The following ELOVL6 variants were observed in gnomAD, a reference collection of about 807,000 sequenced individuals.
ELOVL6 encodes the protein very long chain fatty acid elongase 6.
Under a neutral mutation model 31.7 loss-of-function variants are expected in ELOVL6, and 8 were observed. The observed-to-expected ratio is 0.25, with a 90% CI of 0.15 to 0.45. ELOVL6 has a LOEUF of 0.45. Among genes scored for constraint, ELOVL6 ranks in the 20% least tolerant of loss-of-function variants. ELOVL6 has a pLI of 1.00. For missense variants in ELOVL6, 126 were observed against 326.4 expected, an observed-to-expected ratio of 0.39 and a Z score of 4.73; for synonymous variants, 101 against 117.7, an observed-to-expected ratio of 0.86 and a Z score of 0.92.
intron 2 of ELOVL6, among the ~76,000 whole-genome samples, chr4:110,083,097 T>C (rs1046176370): frequency 2.0e-5 from 3 of 151,782 alleles, no homozygotes; most frequent in Non-Finnish European, 4.4e-5. Flanking sequence ...AAACTTTTTC[T>C]ATGCCGACTA....
chr4:110,117,903 A>AAAAAAAAAAATATAT, intron 1 of ELOVL6: 5 of 6,506 alleles, frequency 7.7e-4, no homozygotes, highest in East Asian at 6.3e-3. Flanking sequence ...AAAAAAAAAA[A>AAAAAAAAAAATATAT]ATATATATAT....
rs575888418 is a variant in ELOVL6, at chr4:110,188,472, T to C, written c.89+9775A>G. Among the ~76,000 whole-genome samples the C allele has an allele frequency of 4.6e-5, 7 of 152,310 alleles. No individual in the cohort carries two copies. The East Asian group carries it at 1.3e-3, about 29-fold the overall frequency. ...CATCACACCAGCCATCCAAGCCTTA[T>C]TCAAGCCTGGAACCCAGTTTTCCTT... On this transcript the variant is annotated intron_variant, in intron 1 of 3. Transcript: ENST00000302274.
At chr4:110,091,999 A>AT (rs34275780) in intron 2 of ELOVL6, among the ~76,000 whole-genome samples, 3,354 of 152,324 alleles carry the variant, frequency 0.022, 230 homozygotes, top group East Asian at 0.17. Context: ...TCCAGCCAGC[A>AT]TAACAATTTA....
intron 2 of ELOVL6, among the ~76,000 whole-genome samples, chr4:110,084,135 A>ATAACATATG (rs1553955997): frequency 5.7e-5 from 2 of 35,296 alleles, no homozygotes; most frequent in Non-Finnish European, 8.2e-5. Flanking sequence ...ATATGTGATA[A>ATAACATATG]TGATATATAT....
chr4:110,135,393 T>C (rs918746051), intron 1 of ELOVL6, among the ~76,000 whole-genome samples: 2 of 152,118 alleles, frequency 1.3e-5, no homozygotes, highest in African/African-American at 4.8e-5. Context: ...AGAAATGGAG[T>C]GAGGTCTCAG....
chr4:110,092,090 C>T (rs908903762), intron 2 of ELOVL6, among the ~76,000 whole-genome samples: 15 of 152,136 alleles, frequency 9.9e-5, no homozygotes, highest in African/African-American at 3.6e-4. Context: ...TGCTAGGAAA[C>T]GAGTTTCAAG....
intron 1 of ELOVL6, chr4:110,117,926 C>A (rs76345258): frequency 2.6e-4 from 4 of 15,110 alleles, no homozygotes; most frequent in African/African-American, 3.4e-4. Flanking sequence ...ATATATATAT[C>A]TCCCCAGAGA....
At chr4:110,102,987 C>T (rs1380656230) in intron 2 of ELOVL6, among the ~76,000 whole-genome samples, 4 of 152,198 alleles carry the variant, frequency 2.6e-5, no homozygotes, top group East Asian at 1.9e-4. Flanking sequence ...TGGTCTTTCC[C>T]GTGCTATTCT....
intron 1 of ELOVL6, chr4:110,146,289 G>A: frequency 6.6e-6 from 1 of 152,122 alleles, no homozygotes; most frequent in East Asian, 1.9e-4. Context: ...TGTGAAACTG[G>A]ACTCCTATGT....
At chr4:110,110,711 T>C (rs1757010389) in intron 1 of ELOVL6, among the ~76,000 whole-genome samples, 1 of 152,144 alleles carries the variant, frequency 6.6e-6, no homozygotes, top group African/African-American at 2.4e-5. Flanking sequence ...GTTTTATTCG[T>C]AAGTAAATTA....
intron 2 of ELOVL6, among the ~76,000 whole-genome samples, chr4:110,099,668 G>A (rs1465350628): frequency 6.6e-6 from 1 of 152,210 alleles, no homozygotes; most frequent in Non-Finnish European, 1.5e-5. Flanking sequence ...GAACCTCAAA[G>A]ATGGCTTCTT....
chr4:110,168,690 C>G (rs138888768), intron 1 of ELOVL6, among the ~76,000 whole-genome samples: 2 of 152,190 alleles, frequency 1.3e-5, no homozygotes, highest in East Asian at 3.9e-4. Flanking sequence ...TAGGTGCTGA[C>G]GTCATAAGCC....
In ELOVL6 at chr4:110,115,245, A is replaced by T. The variant is rs568051156; in HGVS notation, c.90-9617T>A. On this transcript the variant is annotated intron_variant, in intron 1 of 3. Coordinates refer to ENST00000302274, the MANE Select transcript of ELOVL6 (RefSeq NM_024090.3). ...GATTAGAGAAAATATCTCAGCAGTG[A>T]CGATGATCTCATGGTTAGTTTATAA... Among the ~76,000 whole-genome samples, 33 of 152,336 alleles carry T rather than the reference A, an allele frequency of 2.2e-4. 1 individual carries two copies. In the South Asian group the frequency reaches 6.4e-3, roughly 30 times the overall value.
chr4:110,113,634 G>A (rs1269219072), intron 1 of ELOVL6, among the ~76,000 whole-genome samples: 1 of 152,108 alleles, frequency 6.6e-6, no homozygotes, highest in Non-Finnish European at 1.5e-5. Flanking sequence ...AATCTCCCAT[G>A]CCCATCTGAA....
chr4:110,158,278 T>C (rs1758511884), intron 1 of ELOVL6, among the ~76,000 whole-genome samples: 1 of 152,122 alleles, frequency 6.6e-6, no homozygotes, highest in African/African-American at 2.4e-5. Context: ...AAGAACAACC[T>C]AGTGGACCAT....
At chr4:110,110,400 G>T (rs1314457646) in intron 1 of ELOVL6, among the ~76,000 whole-genome samples, 2 of 121,036 alleles carry the variant, frequency 1.7e-5, no homozygotes, top group East Asian at 5.2e-4. Context: ...TTTTTCCGCA[G>T]ATTTTTTTTT....
chr4:110,077,481 T>A (rs1469720216), intron 2 of ELOVL6, among the ~76,000 whole-genome samples: 1 of 152,136 alleles, frequency 6.6e-6, no homozygotes. Flanking sequence ...GCAAACAGGG[T>A]CTGGAGTGGA....
intron 1 of ELOVL6, among the ~76,000 whole-genome samples, chr4:110,120,751 C>T (rs906229374): frequency 3.3e-5 from 5 of 151,764 alleles, no homozygotes; most frequent in African/African-American, 1.2e-4. Flanking sequence ...ACATTGTATA[C>T]CAGGAATGTT....
chr4:110,076,090 G>A (rs1755617470), intron 2 of ELOVL6, among the ~76,000 whole-genome samples: 1 of 152,214 alleles, frequency 6.6e-6, no homozygotes, highest in South Asian at 2.1e-4. Context: ...GCAAGCTGAT[G>A]AGAAAAACCG....
Sources: allele counts gnomAD v4.1 joint callset (sites outside exome capture counted in the v4.1 genomes callset), GRCh38; gene constraint gnomAD v4.1.1; transcripts MANE v1.5; gene names NCBI Gene and HGNC (gene_info 2026-07-23, HGNC 2026-07-21).